PCDH11X: variants seen among roughly 807,000 people sequenced by gnomAD.
The protein encoded by PCDH11X is protocadherin 11 X-linked.
A neutral mutation model predicts 53.3 loss-of-function variants in PCDH11X; 18 were observed. The observed-to-expected ratio is 0.34, with a 90% CI of 0.23 to 0.50. PCDH11X has a LOEUF of 0.50. Among genes scored for constraint, PCDH11X ranks in the 20% least tolerant of loss-of-function variants. The probability of loss-of-function intolerance (pLI) is 0.98; values close to 1 mark genes in which losing one functional copy is unlikely to be tolerated. For synonymous variants in PCDH11X, 279 were observed against 393.3 expected, an observed-to-expected ratio of 0.71 and a Z score of 3.44; for missense variants, 570 against 1,032.4, an observed-to-expected ratio of 0.55 and a Z score of 6.14.
At chrX:92,541,731 C>G (rs2074761898) in intron 10 of PCDH11X, among the ~76,000 whole-genome samples, 1 of 108,013 alleles carries the variant, frequency 9.3e-6, no homozygotes, top group Admixed American at 1.0e-4. Context: ...ACAACTACCC[C>G]CTTTCACTAT....
chrX:92,565,628 C>T (rs2061039760), intron 10 of PCDH11X, among the ~76,000 whole-genome samples: 1 of 100,447 alleles, frequency 1.0e-5, no homozygotes, highest in Non-Finnish European at 2.0e-5. Context: ...GGATAGTTAC[C>T]AGTAGCTGGA....
intron 6 of PCDH11X, among the ~76,000 whole-genome samples, chrX:91,911,007 A>C (rs1000923184): frequency 2.7e-5 from 3 of 111,307 alleles, no homozygotes; most frequent in African/African-American, 9.8e-5. Context: ...AAACTAACAC[A>C]ATTTGGAAGA....
chrX:92,464,084 G>C (rs997498194), intron 9 of PCDH11X, among the ~76,000 whole-genome samples: 1 of 111,903 alleles, frequency 8.9e-6, no homozygotes, highest in African/African-American at 3.2e-5. Flanking sequence ...CTTTGATCCA[G>C]TAGTAACCTA....
intron 6 of PCDH11X, among the ~76,000 whole-genome samples, chrX:92,129,868 G>A (rs974042332): frequency 1.7e-4 from 19 of 111,208 alleles, no homozygotes; most frequent in Non-Finnish European, 2.3e-4. Context: ...TATTCAATAT[G>A]CCAAGATGCT....
At chrX:92,345,565 TAAACA>T (rs905086695) in intron 8 of PCDH11X, among the ~76,000 whole-genome samples, 4 of 111,527 alleles carry the variant, frequency 3.6e-5, no homozygotes, top group Non-Finnish European at 7.6e-5. Flanking sequence ...AAAAATTGTT[TAAACA>T]GATTTTATTA....
chrX:91,986,977 T>C (rs1299999057), intron 6 of PCDH11X, among the ~76,000 whole-genome samples: 1 of 110,256 alleles, frequency 9.1e-6, no homozygotes, highest in East Asian at 2.9e-4. Context: ...GAATTGGCAA[T>C]GTATTCAATC....
At chrX:92,306,390 G>A (rs1428642252) in intron 8 of PCDH11X, among the ~76,000 whole-genome samples, 1 of 107,119 alleles carries the variant, frequency 9.3e-6, no homozygotes, top group African/African-American at 3.4e-5. Flanking sequence ...GACTAGAGCA[G>A]AAGTAAGTAA....
intron 6 of PCDH11X, among the ~76,000 whole-genome samples, chrX:91,885,476 A>G (rs1940154276): frequency 1.8e-5 from 2 of 109,958 alleles, no homozygotes; most frequent in Middle Eastern, 4.7e-3. Context: ...AAAGTGAATC[A>G]GAAGTTGAAG....
intron 9 of PCDH11X, among the ~76,000 whole-genome samples, chrX:92,402,341 A>C (rs2071404451): frequency 8.9e-6 from 1 of 111,997 alleles, no homozygotes; most frequent in Admixed American, 9.5e-5. Flanking sequence ...GCAAATCTTA[A>C]AAAGAACAAA....
intron 8 of PCDH11X, among the ~76,000 whole-genome samples, chrX:92,303,270 A>G (rs1196559356): frequency 3.6e-5 from 4 of 111,155 alleles, no homozygotes; most frequent in Non-Finnish European, 5.7e-5. Context: ...TATACTTTCA[A>G]TGATATGATT....
At chrX:91,881,109 T>C (rs1366813445) in intron 6 of PCDH11X, among the ~76,000 whole-genome samples, 3 of 110,362 alleles carry the variant, frequency 2.7e-5, no homozygotes, top group Non-Finnish European at 3.8e-5. Context: ...AGAGATATTT[T>C]ATGAGCTAGA....
At chrX:92,570,917 A>C in intron 10 of PCDH11X, among the ~76,000 whole-genome samples, 1 of 110,837 alleles carries the variant, frequency 9.0e-6, no homozygotes, top group South Asian at 3.8e-4. Flanking sequence ...AACATAAATA[A>C]GAAGAGAGAA....
chrX:92,596,949 A>ATGAT (rs1364773477), intron 10 of PCDH11X, among the ~76,000 whole-genome samples: 3 of 111,622 alleles, frequency 2.7e-5, no homozygotes, highest in African/African-American at 9.8e-5. Flanking sequence ...AAAAAAAACT[A>ATGAT]TGATTATTTC....
intron 6 of PCDH11X, among the ~76,000 whole-genome samples, chrX:92,020,663 A>G (rs1157677179): frequency 9.0e-6 from 1 of 111,160 alleles, no homozygotes; most frequent in Non-Finnish European, 1.9e-5. Flanking sequence ...ATTCCCCCCA[A>G]TAAAACACAC....
intron 8 of PCDH11X, among the ~76,000 whole-genome samples, chrX:92,263,772 TTG>T (rs1295809287): frequency 1.8e-5 from 2 of 112,330 alleles, no homozygotes; most frequent in African/African-American, 6.5e-5. Context: ...CTAGAAAAAT[TTG>T]TGTTTCTATT....
intron 7 of PCDH11X, among the ~76,000 whole-genome samples, chrX:92,255,210 T>C (rs1468509154): frequency 5.5e-5 from 6 of 108,956 alleles, no homozygotes; most frequent in African/African-American, 1.7e-4. Flanking sequence ...ATCGCTGATA[T>C]CCTTTCTTCC....
intron 9 of PCDH11X, among the ~76,000 whole-genome samples, chrX:92,389,842 T>A (rs189603281): frequency 0.02 from 2,189 of 109,205 alleles, 33 homozygotes; most frequent in African/African-American, 0.058. Flanking sequence ...GCTTTTTTTT[T>A]TAAAAAAAGG....
intron 1 of PCDH11X, chrX:91,798,163 C>T (rs1192821236): frequency 3.6e-5 from 4 of 110,949 alleles, no homozygotes; most frequent in African/African-American, 1.3e-4. Context: ...CTGATATATC[C>T]TCTGTCCGAG....
At chrX:92,423,271 ATCT>A (rs766734993) in intron 9 of PCDH11X, among the ~76,000 whole-genome samples, 1 of 97,741 alleles carries the variant, frequency 1.0e-5, no homozygotes, top group East Asian at 3.0e-4. Context: ...CCATTTGTTT[ATCT>A]TCTTTTGAGA....
Sources: gnomAD v4.1 joint callset for allele counts (sites outside exome capture counted in the v4.1 genomes callset) on GRCh38, gnomAD v4.1.1 for gene constraint, MANE v1.5 for transcripts, NCBI Gene and HGNC (gene_info 2026-07-23, HGNC 2026-07-21) for gene names.